The following GDF5 variants were observed in gnomAD, a reference collection of about 807,000 sequenced individuals.
GDF5 encodes the protein growth differentiation factor 5.
A neutral mutation model predicts 34.6 loss-of-function variants in GDF5; 17 were observed. The observed-to-expected ratio is 0.49, with a 90% CI of 0.34 to 0.74. GDF5 has a LOEUF of 0.74. GDF5 is among the 30% of genes least tolerant of loss of function. The pLI, the probability that GDF5 is intolerant of heterozygous loss-of-function variation, is 0.01. For synonymous variants in GDF5, 332 were observed against 290.7 expected (o/e 1.14, Z -1.44); for missense variants, 616 against 661.2 (o/e 0.93, Z 0.75).
At chr20:35,435,906 T>C (rs1277163248) in intron 1 of GDF5, among the ~76,000 whole-genome samples, 2 of 152,182 alleles carry the variant, frequency 1.3e-5, no homozygotes, top group African/African-American at 4.8e-5. Flanking sequence ...GCATGATTGA[T>C]CTTGTGTGTG....
At chr20:35,444,114 A>G (rs1049161298) in intron 1 of GDF5, among the ~76,000 whole-genome samples, 2 of 152,196 alleles carry the variant, frequency 1.3e-5, no homozygotes, top group Non-Finnish European at 2.9e-5. Context: ...TTGGGTGCCT[A>G]CCATGGGATG....
chr20:35,434,533 G>T lies in GDF5; in HGVS notation c.882C>A (p.Phe294Leu). Residue 294 changes from phenylalanine (F) to leucine (L), a missense_variant, in exon 2 of 2, where the codon TTC becomes TTA. By Grantham distance (22) the Phe-to-Leu change is conservative (BLOSUM62 0). Transcript: ENST00000374369. Reference protein sequence around the residue: ...PGLDGSGWEVFDIWKLFRNFK... With the variant: ...PGLDGSGWEVLDIWKLFRNFK... ...AGTTTCGGAAGAGCTTCCAGATGTC[G>T]AACACCTCCCAGCCAGATCCGTCCA... 1 of 1,601,624 alleles carries T rather than the reference G, an allele frequency of 6.2e-7. No homozygotes were observed. The highest frequency in any genetic ancestry group is 8.5e-7 in the Non-Finnish European group (1 of 1,173,188).
At position 35,437,777 on chromosome 20, in the gene GDF5, G is replaced by A. The variant is rs142244310; in HGVS notation, c.152C>T (p.Pro51Leu). The A allele has an allele frequency of 2.2e-4, 353 of 1,612,878 alleles. No homozygotes were observed. The highest frequency in any genetic ancestry group is 2.9e-4 in the Non-Finnish European group (340 of 1,179,468). ...CCTGAAGACGTTCCGGGCCAGGGGG[G>A]GCCTCTCCTTGGCCTCTGCTTTGGC... ...GLAKAEAKERPPLARNVFRPG... is the reference protein window; with the variant it reads ...GLAKAEAKERLPLARNVFRPG... The change falls in exon 1 of 2, where the codon CCC (proline) becomes CTC (leucine). Residue 51 changes from proline (P) to leucine (L), a missense_variant. Pro to Leu is a moderately conservative substitution (Grantham distance 98). Coordinates refer to ENST00000374369, the MANE Select transcript of GDF5 (RefSeq NM_000557.5).
intron 1 of GDF5, among the ~76,000 whole-genome samples, chr20:35,451,390 A>G (rs1028795705): frequency 6.6e-6 from 1 of 151,818 alleles, no homozygotes; most frequent in Admixed American, 6.6e-5. Context: ...TTTCCCTCCA[A>G]TCCAGCCTCC....
upstream of GDF5, among the ~76,000 whole-genome samples, chr20:35,441,545 C>G (rs535034526): frequency 3.3e-5 from 5 of 151,800 alleles, no homozygotes; most frequent in Non-Finnish European, 7.4e-5. Context: ...ACCTCCACCC[C>G]CCGGGTTCAA....
upstream of GDF5, chr20:35,438,303 G>A (rs1340875421): frequency 2.1e-5 from 6 of 285,666 alleles, no homozygotes; most frequent in East Asian, 4.7e-4. Flanking sequence ...AATGCTGCCT[G>A]TGTGCTCCAG....
upstream of GDF5, among the ~76,000 whole-genome samples, chr20:35,442,451 C>T (rs2146587094): frequency 6.6e-6 from 1 of 151,918 alleles, no homozygotes; most frequent in Non-Finnish European, 1.5e-5. Flanking sequence ...ACCACAATGT[C>T]TCTGTATGTG....
At chr20:35,439,106 G>A (rs975883331), upstream of GDF5, among the ~76,000 whole-genome samples, 18 of 151,968 alleles carry the variant, frequency 1.2e-4, no homozygotes, top group East Asian at 3.9e-4. Context: ...CTTGGATGGC[G>A]GCAGGTCCAG....
At chr20:35,436,750 C>T (rs1004989896) in intron 1 of GDF5, among the ~76,000 whole-genome samples, 2 of 152,126 alleles carry the variant, frequency 1.3e-5, no homozygotes, top group Non-Finnish European at 2.9e-5. Context: ...GGTCATACTG[C>T]GAGTTAGGCC....
chr20:35,441,170 G>A (rs910783587), upstream of GDF5: 1 of 152,196 alleles, frequency 6.6e-6, no homozygotes, highest in Non-Finnish European at 1.5e-5. Flanking sequence ...TATGTATTGT[G>A]TGATCTTGGG....
rs1254050045 is a variant in GDF5, at chr20:35,434,019, A to G, written c.1396T>C (p.Cys466Arg). 3 of 1,614,178 alleles carry G rather than the reference A, an allele frequency of 1.9e-6. No homozygotes were observed. Among genetic ancestry groups the G allele is most frequent in the Non-Finnish European group, 2.5e-6 (3 of 1,180,004 alleles). ...ATGGGACTCAGCCGCGTGGGCACAC[A>G]GCAGGTGGGTGGTGTGGACTCGGGG... is the stretch of plus-strand genomic sequence containing the variant. ...MDPESTPPTC[C>R]VPTRLSPISI... The change falls in exon 2 of 2, where the codon TGT (cysteine) becomes CGT (arginine). Residue 466 changes from cysteine (C) to arginine (R), a missense_variant. By Grantham distance (180) the Cys-to-Arg change is radical (BLOSUM62 -3). Transcript: ENST00000374369.
At chr20:35,443,277 C>T (rs2062503865) in intron 1 of GDF5, among the ~76,000 whole-genome samples, 1 of 152,164 alleles carries the variant, frequency 6.6e-6, no homozygotes, top group South Asian at 2.1e-4. Flanking sequence ...TGTTTAATTA[C>T]TGGGACACAG....
chr20:35,448,942 C>T (rs1203023197), intron 1 of GDF5, among the ~76,000 whole-genome samples: 15 of 152,134 alleles, frequency 9.9e-5, no homozygotes, highest in East Asian at 7.7e-4. Context: ...CCTACTGAGG[C>T]GGGGTCAGGA....
chr20:35,438,517 G>A (rs1483228439), upstream of GDF5, among the ~76,000 whole-genome samples: 1 of 152,080 alleles, frequency 6.6e-6, no homozygotes, highest in Non-Finnish European at 1.5e-5. Context: ...ATTTAAGTGC[G>A]ATATATTTAT....
At chr20:35,451,641 G>A (rs1341417146) in intron 1 of GDF5, among the ~76,000 whole-genome samples, 1 of 149,992 alleles carries the variant, frequency 6.7e-6, no homozygotes, top group Non-Finnish European at 1.5e-5. Context: ...GAGTGCAGTA[G>A]GGCCATCACG....
intron 1 of GDF5, among the ~76,000 whole-genome samples, chr20:35,443,860 AG>A (rs1470116172): frequency 5.3e-5 from 8 of 152,134 alleles, no homozygotes; most frequent in African/African-American, 1.9e-4. Context: ...ATGAGTAAAC[AG>A]TGAACTGAGT....
chr20:35,444,788 T>C (rs2062508703), intron 1 of GDF5, among the ~76,000 whole-genome samples: 3 of 151,990 alleles, frequency 2.0e-5, no homozygotes. Context: ...AGAGACAGGT[T>C]TTCACCATGT....
intron 1 of GDF5, among the ~76,000 whole-genome samples, chr20:35,448,520 T>G (rs1268810085): frequency 8.0e-6 from 1 of 125,526 alleles, no homozygotes; most frequent in Non-Finnish European, 1.6e-5. Context: ...CTTGGCTCAC[T>G]GTAACCTCCT....
chr20:35,439,218 G>A (rs1369716177), upstream of GDF5, among the ~76,000 whole-genome samples: 1 of 149,214 alleles, frequency 6.7e-6, no homozygotes, highest in African/African-American at 2.5e-5. Flanking sequence ...GGCTGGAAAA[G>A]CCATTTCCCA....
Sources: allele counts gnomAD v4.1 joint callset (sites outside exome capture counted in the v4.1 genomes callset), GRCh38; gene constraint gnomAD v4.1.1; transcripts MANE v1.5; gene names NCBI Gene and HGNC (gene_info 2026-07-23, HGNC 2026-07-21).